Variants in COX7B2 observed in about 807,000 individuals in gnomAD.
The protein encoded by COX7B2 is cytochrome c oxidase subunit 7B2, mitochondrial.
For synonymous variants in COX7B2, 37 were observed against 32.1 expected, an observed-to-expected ratio of 1.15 and a Z score of -0.51; for missense variants, 109 against 95.9, an observed-to-expected ratio of 1.14 and a Z score of -0.57.
chr4:46,786,538 C>T (rs1440969457), intron 2 of COX7B2, among the ~76,000 whole-genome samples: 2 of 152,160 alleles, frequency 1.3e-5, no homozygotes, highest in Non-Finnish European at 2.9e-5. Flanking sequence ...ATAATAGTCA[C>T]TTGTACAATA....
chr4:46,745,563 T>C (rs947428389), intron 2 of COX7B2, among the ~76,000 whole-genome samples: 4 of 152,224 alleles, frequency 2.6e-5, no homozygotes, highest in African/African-American at 4.8e-5. Flanking sequence ...CCCCTTGGAT[T>C]CATTATTTGT....
intron 2 of COX7B2, among the ~76,000 whole-genome samples, chr4:46,835,497 G>C (rs1233431646): frequency 6.6e-6 from 1 of 152,014 alleles, no homozygotes; most frequent in African/African-American, 2.4e-5. Context: ...GGTGGAAGAA[G>C]AGTCTGACGG....
intron 2 of COX7B2, among the ~76,000 whole-genome samples, chr4:46,801,407 G>T (rs1001028262): frequency 6.6e-6 from 1 of 152,064 alleles, no homozygotes; most frequent in African/African-American, 2.4e-5. Context: ...CTAAGAAAAA[G>T]AACAACATCA....
At chr4:46,781,927 C>T (rs1007418873) in intron 2 of COX7B2, among the ~76,000 whole-genome samples, 1 of 152,328 alleles carries the variant, frequency 6.6e-6, no homozygotes, top group African/African-American at 2.4e-5. Flanking sequence ...GCCCTCCATG[C>T]TCAAGCACCC....
intron 1 of COX7B2, among the ~76,000 whole-genome samples, chr4:46,898,993 G>A (rs2109890097): frequency 6.6e-6 from 1 of 152,208 alleles, no homozygotes; most frequent in East Asian, 1.9e-4. Context: ...GTTCATTGCT[G>A]TATTTTACTA....
At chr4:46,873,839 G>T (rs1161095108) in intron 1 of COX7B2, among the ~76,000 whole-genome samples, 3 of 152,008 alleles carry the variant, frequency 2.0e-5, no homozygotes, top group African/African-American at 7.3e-5. Flanking sequence ...CCCCATGACA[G>T]GACCCGGTGT....
intron 2 of COX7B2, among the ~76,000 whole-genome samples, chr4:46,818,832 A>G (rs1257713715): frequency 6.6e-6 from 1 of 152,206 alleles, no homozygotes; most frequent in African/African-American, 2.4e-5. Flanking sequence ...TGTTCCACAA[A>G]CACAGGGCCT....
At chr4:46,750,554 ATTGTT>A (rs1715307928) in intron 2 of COX7B2, among the ~76,000 whole-genome samples, 1 of 152,152 alleles carries the variant, frequency 6.6e-6, no homozygotes, top group African/African-American at 2.4e-5. Context: ...GGAAAGGTCA[ATTGTT>A]TTAAGTCAGG....
chr4:46,803,071 T>C (rs1277949168), intron 2 of COX7B2, among the ~76,000 whole-genome samples: 2 of 152,202 alleles, frequency 1.3e-5, no homozygotes, highest in African/African-American at 4.8e-5. Flanking sequence ...TAAATATTTT[T>C]ATATTTCATT....
chr4:46,767,140 T>A (rs1716589724), intron 2 of COX7B2, among the ~76,000 whole-genome samples: 1 of 152,224 alleles, frequency 6.6e-6, no homozygotes, highest in Admixed American at 6.5e-5. Flanking sequence ...TCAAGGCACA[T>A]GAAGGCTGAA....
intron 1 of COX7B2, among the ~76,000 whole-genome samples, chr4:46,883,344 C>T (rs1289857498): frequency 6.6e-6 from 1 of 151,482 alleles, no homozygotes; most frequent in African/African-American, 2.4e-5. Flanking sequence ...ACATAAATAA[C>T]CTCACTAATT....
intron 2 of COX7B2, among the ~76,000 whole-genome samples, chr4:46,799,117 G>GT (rs1360440416): frequency 6.6e-6 from 1 of 152,140 alleles, no homozygotes; most frequent in South Asian, 2.1e-4. Context: ...TTTCTTGTGT[G>GT]TGGCTATTGT....
intron 2 of COX7B2, among the ~76,000 whole-genome samples, chr4:46,812,760 G>A (rs991586934): frequency 1.3e-5 from 2 of 152,142 alleles, no homozygotes; most frequent in Non-Finnish European, 2.9e-5. Flanking sequence ...CTGATTCCCT[G>A]GGACTAAAGG....
At chr4:46,762,088 A>G (rs973055970) in intron 2 of COX7B2, among the ~76,000 whole-genome samples, 1 of 150,572 alleles carries the variant, frequency 6.6e-6, no homozygotes, top group South Asian at 2.1e-4. Context: ...TCATATGTAT[A>G]TGAAGATAAT....
chr4:46,780,174 C>A (rs1038053118), intron 2 of COX7B2, among the ~76,000 whole-genome samples: 67 of 151,994 alleles, frequency 4.4e-4, no homozygotes, highest in Non-Finnish European at 6.8e-4. Context: ...ATGGTAGATC[C>A]AGTAATCAAA....
intron 2 of COX7B2, among the ~76,000 whole-genome samples, chr4:46,762,551 A>G: frequency 6.8e-6 from 1 of 146,654 alleles, no homozygotes; most frequent in South Asian, 2.1e-4. Context: ...AATATAGTTT[A>G]GTATATGCAA....
intron 2 of COX7B2, among the ~76,000 whole-genome samples, chr4:46,766,939 G>C (rs546093345): frequency 6.6e-6 from 1 of 151,980 alleles, no homozygotes; most frequent in African/African-American, 2.4e-5. Flanking sequence ...AAGCAAGAGA[G>C]GAAGAAAAAC....
chr4:46,886,409 C>A (rs1418291139), intron 1 of COX7B2, among the ~76,000 whole-genome samples: 2 of 152,124 alleles, frequency 1.3e-5, no homozygotes, highest in Admixed American at 6.5e-5. Context: ...CTTTGCAATT[C>A]TTTTCTTCTA....
At chr4:46,900,229 G>A (rs1720000367) in intron 1 of COX7B2, among the ~76,000 whole-genome samples, 1 of 152,136 alleles carries the variant, frequency 6.6e-6, no homozygotes, top group Non-Finnish European at 1.5e-5. Context: ...GCCAGGGCTT[G>A]GAGACATCTC....
Sources: gnomAD v4.1 joint callset for allele counts (sites outside exome capture counted in the v4.1 genomes callset) on GRCh38, gnomAD v4.1.1 for gene constraint, MANE v1.5 for transcripts, NCBI Gene and HGNC (gene_info 2026-07-23, HGNC 2026-07-21) for gene names.